INPP4B: variants seen among roughly 807,000 people sequenced by gnomAD.
INPP4B encodes inositol polyphosphate 4-phosphatase type II.
In INPP4B, 55 loss-of-function variants were observed where a neutral mutation model predicts 122.5. The observed-to-expected ratio is 0.45, with a 90% CI of 0.36 to 0.56. INPP4B has a LOEUF of 0.56. Among genes scored for constraint, INPP4B ranks in the 20% least tolerant of loss-of-function variants. INPP4B has a pLI of 0.00. For missense variants in INPP4B, 1,000 were observed against 1,097.7 expected, an observed-to-expected ratio of 0.91 and a Z score of 1.26; for synonymous variants, 403 against 388.7, an observed-to-expected ratio of 1.04 and a Z score of -0.43.
intron 23 of INPP4B, among the ~76,000 whole-genome samples, chr4:142,097,250 A>AT (rs1399744698): frequency 8.8e-5 from 13 of 148,332 alleles, no homozygotes; most frequent in African/African-American, 3.2e-4. Context: ...ATTTTATTTT[A>AT]TTTTATTTTA....
chr4:142,711,796 C>T (rs992893147), intron 2 of INPP4B, among the ~76,000 whole-genome samples: 7 of 152,090 alleles, frequency 4.6e-5, no homozygotes, highest in African/African-American at 1.7e-4. Flanking sequence ...GACTGTAACC[C>T]CAGCACTTTG....
rs182617279 is a variant in INPP4B at position 142,577,249 on chromosome 4, C to G, written c.-190-114523G>C. Among the ~76,000 whole-genome samples the G allele has an allele frequency of 3.3e-5, 5 of 152,042 alleles. No individual in the cohort carries two copies. In the East Asian group the frequency reaches 9.7e-4, roughly 29 times the overall value. On this transcript the variant is annotated intron_variant, in intron 2 of 25. Coordinates refer to ENST00000262992, the MANE Select transcript of INPP4B (RefSeq NM_001101669.3). ...ATAATCAAGAAAACAGTAAGTCAAGCCTTGATGTGTAGTGTTCAGTGTCTG... is the reference window on the plus strand; with the variant it reads ...ATAATCAAGAAAACAGTAAGTCAAGGCTTGATGTGTAGTGTTCAGTGTCTG...
At chr4:142,832,176 A>C (rs1782227105) in intron 1 of INPP4B, among the ~76,000 whole-genome samples, 1 of 152,148 alleles carries the variant, frequency 6.6e-6, no homozygotes, top group Non-Finnish European at 1.5e-5. Flanking sequence ...TAATTCAGTG[A>C]TGAGTAAAAT....
intron 7 of INPP4B, among the ~76,000 whole-genome samples, chr4:142,332,127 C>G (rs1306943630): frequency 1.3e-5 from 2 of 152,194 alleles, no homozygotes; most frequent in African/African-American, 4.8e-5. Context: ...ATTTTTAGTA[C>G]AGCTGTCTTG....
chr4:142,414,083 G>A (rs1229389911), intron 5 of INPP4B, among the ~76,000 whole-genome samples: 1 of 152,084 alleles, frequency 6.6e-6, no homozygotes, highest in Non-Finnish European at 1.5e-5. Context: ...ATTGAGATTT[G>A]AGCATCATTG....
chr4:142,221,215 T>C (rs1849221851), intron 12 of INPP4B, among the ~76,000 whole-genome samples: 1 of 151,712 alleles, frequency 6.6e-6, no homozygotes. Flanking sequence ...CTGGCTAACA[T>C]GGTGAAACCA....
chr4:142,280,358 G>T lies in INPP4B; in HGVS notation c.504-9584C>A, dbSNP rs1033724538. Among the ~76,000 whole-genome samples, 5 of 151,858 alleles carry T rather than the reference G, an allele frequency of 3.3e-5. No homozygotes were observed. The South Asian group carries it at 8.3e-4, about 25-fold the overall frequency. ...ATCCACAACATGCAATATTAATTTGGCAATAAAAAGAAACTGTTGATACAC... is the reference window on the plus strand; with the variant it reads ...ATCCACAACATGCAATATTAATTTGTCAATAAAAAGAAACTGTTGATACAC... On this transcript the variant is annotated intron_variant, in intron 9 of 25. Coordinates refer to ENST00000262992, the MANE Select transcript of INPP4B (RefSeq NM_001101669.3).
intron 20 of INPP4B, 28 bp downstream of exon 20, chr4:142,123,264 T>G: frequency 6.6e-7 from 1 of 1,523,592 alleles, no homozygotes; most frequent in Middle Eastern, 1.7e-4. Flanking sequence ...AGAAATGTGA[T>G]TTTAACTTGT....
rs560373698 is a variant in INPP4B, at chr4:142,112,479, C to G, written c.2276+63G>C. 1.4e-5 allele frequency: 22 copies of G among 1,551,828 alleles called. No homozygotes were observed. In the African/African-American group the frequency reaches 2.6e-4, roughly 18 times the overall value. On this transcript the variant is annotated intron_variant, in intron 22 of 25. Coordinates refer to ENST00000262992, the MANE Select transcript of INPP4B (RefSeq NM_001101669.3). Reference sequence around the variant, plus strand: ...TTCTACATGCAGATACATGGGACTTCTCATCATATGCTTAAAAGGAACAAA... The same window carrying G: ...TTCTACATGCAGATACATGGGACTTGTCATCATATGCTTAAAAGGAACAAA...
intron 1 of INPP4B, among the ~76,000 whole-genome samples, chr4:142,754,420 T>C (rs1008779244): frequency 3.6e-4 from 54 of 152,102 alleles, no homozygotes; most frequent in African/African-American, 1.3e-3. Flanking sequence ...TTGTGGTATA[T>C]ACCTGCTTTT....
chr4:142,152,079 T>C (rs1363023603), intron 17 of INPP4B, among the ~76,000 whole-genome samples: 2 of 130,106 alleles, frequency 1.5e-5, no homozygotes, highest in African/African-American at 3.2e-5. Flanking sequence ...TTTTTTTTTT[T>C]TTTTTTTTTT....
At chr4:142,515,781 T>C (rs1016931318) in intron 2 of INPP4B, among the ~76,000 whole-genome samples, 13 of 152,212 alleles carry the variant, frequency 8.5e-5, no homozygotes, top group African/African-American at 3.1e-4. Context: ...GTGATGTGAA[T>C]GCAGGCCTTC....
chr4:142,072,842 G>T (rs1003444239), intron 25 of INPP4B, among the ~76,000 whole-genome samples: 2 of 152,014 alleles, frequency 1.3e-5, no homozygotes, highest in Non-Finnish European at 2.9e-5. Context: ...TTTACCAACT[G>T]CTTACTATGA....
At chr4:142,533,561 G>A (rs1180134027) in intron 2 of INPP4B, among the ~76,000 whole-genome samples, 2 of 151,948 alleles carry the variant, frequency 1.3e-5, no homozygotes. Context: ...CATTTTTAAG[G>A]AGTAAATCTA....
Position 142,082,088 on chromosome 4 carries a change from C to T in INPP4B, c.2585G>A (p.Arg862Lys). Residue 862 changes from arginine (R) to lysine (K), a missense_variant, in exon 25 of 26, where the codon AGA becomes AAA. Coordinates refer to ENST00000262992, the MANE Select transcript of INPP4B (RefSeq NM_001101669.3). The part of the protein sequence containing the change: ...SVTLEQCSIL[R>K]DEHQLHKDFF... ...GTCCTTGTGTAACTGGTGCTCATCT[C>T]TCAAGATTGAGCATTGTTCAAGTGT... 2 of 1,502,338 alleles carry T rather than the reference C, an allele frequency of 1.3e-6. No homozygotes were observed. Among genetic ancestry groups the T allele is most frequent in the East Asian group, 2.3e-5 (1 of 43,676 alleles). 93.1% of individuals were successfully genotyped at this position (1,502,338 alleles called of 1,614,324 possible).
intron 10 of INPP4B, among the ~76,000 whole-genome samples, chr4:142,267,614 G>GAA (rs1743467672): frequency 6.6e-6 from 1 of 152,036 alleles, no homozygotes. Context: ...AACTATAAAA[G>GAA]TACTAGGAAG....
At chr4:142,484,767 T>C (rs1821003699) in intron 2 of INPP4B, among the ~76,000 whole-genome samples, 1 of 151,958 alleles carries the variant, frequency 6.6e-6, no homozygotes, top group Non-Finnish European at 1.5e-5. Flanking sequence ...CCTCCTACTC[T>C]CCACCCTTCG....
intron 11 of INPP4B, among the ~76,000 whole-genome samples, chr4:142,248,216 C>G (rs1376197454): frequency 6.6e-6 from 1 of 152,062 alleles, no homozygotes; most frequent in African/African-American, 2.4e-5. Flanking sequence ...ACATCTATAT[C>G]CAGACTCCAA....
intron 2 of INPP4B, among the ~76,000 whole-genome samples, chr4:142,693,960 T>C (rs567784694): frequency 8.9e-4 from 136 of 152,296 alleles, no homozygotes; most frequent in Non-Finnish European, 1.7e-3. Context: ...TCTATATGTC[T>C]ACTTAATTAC....
Sources: gnomAD v4.1 joint callset for allele counts (sites outside exome capture counted in the v4.1 genomes callset) on GRCh38, gnomAD v4.1.1 for gene constraint, MANE v1.5 for transcripts, NCBI Gene and HGNC (gene_info 2026-07-23, HGNC 2026-07-21) for gene names.